PPHLN1: variants seen among roughly 807,000 people sequenced by gnomAD.
PPHLN1 encodes the protein periphilin-1.
Under a neutral mutation model 51.3 loss-of-function variants are expected in PPHLN1, and 29 were observed. The observed-to-expected ratio is 0.57, with a 90% confidence interval of 0.42 to 0.77. The LOEUF (loss-of-function observed/expected upper bound fraction) is 0.77, where lower values mean the gene tolerates loss of function less well. Among genes scored for constraint, PPHLN1 ranks in the 30% least tolerant of loss-of-function variants. PPHLN1 has a pLI of 0.00. For missense variants in PPHLN1, 436 were observed against 438.4 expected, an observed-to-expected ratio of 0.99 and a Z score of 0.05; for synonymous variants, 147 against 147.8, an observed-to-expected ratio of 0.99 and a Z score of 0.04.
chr12:42,393,758 A>T, intron 8 of PPHLN1, 69 bp downstream of exon 8: 1 of 1,459,736 alleles, frequency 6.9e-7, no homozygotes, highest in Non-Finnish European at 9.2e-7. Flanking sequence ...TATGGGCGAA[A>T]AATATTTGGT....
chr12:42,362,441 G>A (rs11181458), intron 4 of PPHLN1, among the ~76,000 whole-genome samples: 24,320 of 151,914 alleles, frequency 0.16, 1,999 homozygotes, highest in Admixed American at 0.2. Flanking sequence ...CTAAGAATCC[G>A]TTGCCAAACC....
At chr12:42,411,608 T>C (rs2079833680) in intron 9 of PPHLN1, among the ~76,000 whole-genome samples, 1 of 152,106 alleles carries the variant, frequency 6.6e-6, no homozygotes. Context: ...TTGTATTCAA[T>C]AAATAGGTTT....
At chr12:42,345,351 ATTTAAG>A (rs1355803681) in intron 2 of PPHLN1, among the ~76,000 whole-genome samples, 3 of 152,052 alleles carry the variant, frequency 2.0e-5, no homozygotes, top group South Asian at 2.1e-4. Context: ...TTCCAAAAGT[ATTTAAG>A]TTTATGTGCA....
chr12:42,390,456 A>G (rs2077587483), intron 7 of PPHLN1, among the ~76,000 whole-genome samples: 1 of 152,196 alleles, frequency 6.6e-6, no homozygotes, highest in Non-Finnish European at 1.5e-5. Flanking sequence ...TTTTCTCTGA[A>G]ATATACTGCT....
At chr12:42,398,512 C>T (rs1280105543) in intron 8 of PPHLN1, 1 of 181,406 alleles carries the variant, frequency 5.5e-6, no homozygotes, top group African/African-American at 2.4e-5. Flanking sequence ...GGCCTAGAGG[C>T]TTTGTCTTAC....
At chr12:42,372,122 C>T (rs1245873835) in intron 4 of PPHLN1, among the ~76,000 whole-genome samples, 1 of 152,028 alleles carries the variant, frequency 6.6e-6, no homozygotes, top group African/African-American at 2.4e-5. Context: ...ACACTATATA[C>T]ATTATATAAT....
chr12:42,384,163 A>G (rs1042327091), intron 5 of PPHLN1, among the ~76,000 whole-genome samples: 1 of 152,088 alleles, frequency 6.6e-6, no homozygotes, highest in African/African-American at 2.4e-5. Flanking sequence ...TAAGATGGCA[A>G]TATTTTCATG....
At chr12:42,332,115 G>A (rs748359211) in intron 1 of PPHLN1, among the ~76,000 whole-genome samples, 4 of 152,232 alleles carry the variant, frequency 2.6e-5, no homozygotes, top group Non-Finnish European at 5.9e-5. Flanking sequence ...GAGTCGGGAG[G>A]ATCACTTGAG....
At chr12:42,400,171 T>C (rs1381863628) in intron 9 of PPHLN1, 1 of 152,006 alleles carries the variant, frequency 6.6e-6, no homozygotes, top group East Asian at 1.9e-4. Flanking sequence ...GTAGCAGGCT[T>C]ACAAGAAATA....
chr12:42,388,020 G>T (rs898457495), intron 7 of PPHLN1, among the ~76,000 whole-genome samples: 1 of 152,214 alleles, frequency 6.6e-6, no homozygotes, highest in Non-Finnish European at 1.5e-5. Flanking sequence ...GCGGAACGCC[G>T]CAGGGACCTC....
intron 4 of PPHLN1, among the ~76,000 whole-genome samples, chr12:42,369,860 G>A (rs1175340563): frequency 1.3e-5 from 2 of 152,150 alleles, no homozygotes; most frequent in African/African-American, 4.8e-5. Context: ...TGTATTCTCT[G>A]ATGAATTTCC....
intron 1 of PPHLN1, among the ~76,000 whole-genome samples, chr12:42,329,164 C>T (rs997245405): frequency 3.3e-5 from 5 of 150,432 alleles, no homozygotes; most frequent in South Asian, 4.2e-4. Flanking sequence ...TGCAGTGGCG[C>T]GATCTTGGCT....
chr12:42,417,369 A>G (rs1247152494), intron 9 of PPHLN1, among the ~76,000 whole-genome samples: 2 of 152,078 alleles, frequency 1.3e-5, no homozygotes, highest in Non-Finnish European at 2.9e-5. Context: ...TGGATAGGAG[A>G]TGAGTTTGGG....
At chr12:42,440,971 A>G (rs1482984307) in intron 9 of PPHLN1, among the ~76,000 whole-genome samples, 1 of 152,204 alleles carries the variant, frequency 6.6e-6, no homozygotes, top group Non-Finnish European at 1.5e-5. Flanking sequence ...TAAATGAACA[A>G]AGTCATTGAT....
chr12:42,418,442 C>T (rs1300083148), intron 9 of PPHLN1, among the ~76,000 whole-genome samples: 1 of 151,906 alleles, frequency 6.6e-6, no homozygotes, highest in Non-Finnish European at 1.5e-5. Flanking sequence ...CCAGTGGTTT[C>T]CCATTATACT....
chr12:42,429,356 T>A (rs563671585), intron 9 of PPHLN1, among the ~76,000 whole-genome samples: 22 of 152,336 alleles, frequency 1.4e-4, no homozygotes, highest in African/African-American at 4.3e-4. Context: ...ATTTTAAGTC[T>A]AAGAATTTGG....
chr12:42,333,587 A>G (rs1468477806), intron 1 of PPHLN1, among the ~76,000 whole-genome samples: 1 of 151,856 alleles, frequency 6.6e-6, no homozygotes, highest in African/African-American at 2.4e-5. Context: ...GGTTCATGCC[A>G]TTCTCCTGCC....
Position 42,442,042 on chromosome 12 carries a change from T to G in PPHLN1, c.*533T>G, listed in dbSNP as rs1025033414. The G allele has an allele frequency of 2.7e-5, 24 of 877,400 alleles. No homozygotes were observed. Among genetic ancestry groups the G allele is most frequent in the Non-Finnish European group, 3.1e-5 (23 of 731,802 alleles). 54.4% of individuals were successfully genotyped at this position (877,400 alleles called of 1,614,324 possible). On this transcript the variant is annotated 3_prime_UTR_variant, in exon 10 of 10. Coordinates refer to ENST00000358314, the MANE Select transcript of PPHLN1 (RefSeq NM_201439.2). ...GAGAGATACCTCAGAAAAAAATCCG[T>G]TTTTCCAAGTAATGAACTCAGTGTC...
downstream of PPHLN1, chr12:42,444,382 C>CTGTG (rs2083180819): frequency 1.3e-5 from 2 of 148,812 alleles, no homozygotes; most frequent in African/African-American, 5.0e-5. Context: ...TATTTAACCC[C>CTGTG]CACAGCAAAA....
Sources: allele counts gnomAD v4.1 joint callset (sites outside exome capture counted in the v4.1 genomes callset), GRCh38; gene constraint gnomAD v4.1.1; transcripts MANE v1.5; gene names NCBI Gene and HGNC (gene_info 2026-07-23, HGNC 2026-07-21).